Variants in CPLANE1 observed in about 807,000 individuals in gnomAD.
The protein encoded by CPLANE1 is ciliogenesis and planar polarity effector 1.
A neutral mutation model predicts 362.5 loss-of-function variants in CPLANE1; 263 were observed. That is an observed-to-expected ratio of 0.73 (90% confidence interval 0.66 to 0.80). The LOEUF is 0.80. CPLANE1 is among the 30% of genes least tolerant of loss of function. The pLI is 0.00. For missense variants in CPLANE1, 3,461 were observed against 3,793.4 expected, an observed-to-expected ratio of 0.91 and a Z score of 2.30; for synonymous variants, 1,212 against 1,302.6, an observed-to-expected ratio of 0.93 and a Z score of 1.50.
At chr5:37,197,345 A>T (rs542043422) in intron 20 of CPLANE1, among the ~76,000 whole-genome samples, 76 of 152,302 alleles carry the variant, frequency 5.0e-4, no homozygotes, top group Middle Eastern at 3.4e-3. Context: ...CTAATGACAG[A>T]CTTCTTGTCA....
chr5:37,186,655 T>G (rs1784069400), intron 23 of CPLANE1, among the ~76,000 whole-genome samples: 2 of 152,174 alleles, frequency 1.3e-5, no homozygotes, highest in Non-Finnish European at 2.9e-5. Flanking sequence ...ACGTATACAT[T>G]CTGTGCTGAT....
At position 37,177,918 on chromosome 5, in the gene CPLANE1, G is replaced by T. The variant is rs138734751; in HGVS notation, c.5821-218C>A. Reference sequence around the variant, plus strand: ...TCTGTCACACTGGGCTATTGAGCATGCTAAGTTACAAAGACAAGATTGTGT... The same window carrying T: ...TCTGTCACACTGGGCTATTGAGCATTCTAAGTTACAAAGACAAGATTGTGT... On this transcript the variant is annotated intron_variant, in intron 29 of 52. Transcript: ENST00000651892. 5.8e-3 allele frequency among the ~76,000 whole-genome samples: 876 copies of T among 152,264 alleles called. 4 individuals carry two copies. The highest frequency in any genetic ancestry group is 0.014 in the South Asian group (69 of 4,824).
At position 37,131,800 on chromosome 5, in the gene CPLANE1, G is replaced by A. The variant is rs145647475; in HGVS notation, c.8793-6391C>T. Among the ~76,000 whole-genome samples, 843 of 152,056 alleles carry A rather than the reference G, an allele frequency of 5.5e-3. 12 individuals carry two copies. The highest frequency in any genetic ancestry group is 0.019 in the African/African-American group (800 of 41,462). On this transcript the variant is annotated intron_variant, in intron 46 of 52. Coordinates refer to ENST00000651892, the MANE Select transcript of CPLANE1 (RefSeq NM_001384732.1). Reference sequence around the variant, plus strand: ...CCACCTCAGCCTCCCAAAGTGCTGGGATTATAGGCGTGAGCCACCGCGCCA... The same window carrying A: ...CCACCTCAGCCTCCCAAAGTGCTGGAATTATAGGCGTGAGCCACCGCGCCA...
intron 31 of CPLANE1, among the ~76,000 whole-genome samples, chr5:37,174,965 C>CA (rs1315530236): frequency 6.6e-6 from 1 of 152,152 alleles, no homozygotes; most frequent in Non-Finnish European, 1.5e-5. Context: ...AGCTGGGTGA[C>CA]AAGGGAGTTA....
At chr5:37,160,573 A>T (rs1170277144) in intron 38 of CPLANE1, among the ~76,000 whole-genome samples, 1 of 152,130 alleles carries the variant, frequency 6.6e-6, no homozygotes, top group African/African-American at 2.4e-5. Flanking sequence ...TCTCAAAAAA[A>T]AAAAAAATGT....
downstream of CPLANE1, among the ~76,000 whole-genome samples, chr5:37,104,010 A>C (rs1326664577): frequency 4.6e-5 from 7 of 152,204 alleles, no homozygotes; most frequent in Non-Finnish European, 1.0e-4. Context: ...CCAATCAGTC[A>C]TAGGATGTCT....
intron 38 of CPLANE1, among the ~76,000 whole-genome samples, chr5:37,160,725 G>A (rs1225555203): frequency 9.6e-5 from 14 of 146,150 alleles, no homozygotes; most frequent in Admixed American, 6.9e-4. Flanking sequence ...AGGCTGGAGT[G>A]CAGTGGCACA....
In CPLANE1 at chr5:37,244,562, C is replaced by A; in HGVS notation, c.383G>T (p.Arg128Ile). The change falls in exon 5 of 53, where the codon AGA becomes ATA. Residue 128 changes from arginine to isoleucine, a missense_variant. By Grantham distance (97) the Arg-to-Ile change is moderately conservative (BLOSUM62 -3). Around this residue, in one of 2 missense-constraint regions of CPLANE1, gnomAD observed 3,380 missense variants for 3,666.1 expected, o/e 0.92. Transcript: ENST00000651892. ...LYLYVSGNGK[R>I]IVLITPSGCI... ...TCCAGAAGGTGTTATGAGCACAATTCTTTTCCCATTTCCAGATACATACAA... is the reference window on the plus strand; with the variant it reads ...TCCAGAAGGTGTTATGAGCACAATTATTTTCCCATTTCCAGATACATACAA... 3 of 1,551,536 alleles carry A rather than the reference C, an allele frequency of 1.9e-6. No individual in the cohort carries two copies. Among genetic ancestry groups the A allele is most frequent in the Non-Finnish European group, 2.6e-6 (3 of 1,146,948 alleles).
Position 37,153,744 on chromosome 5 carries a change from T to C in CPLANE1, c.8369A>G (p.Asp2790Gly). ...PKPEMLDLHC[D>G]KIGPVDHIEF... ...CTAAAAATAAAGGTAGTCTACCTTA[T>C]CACAATGTAGATCTAGCATTTCAGG... The change falls in exon 42 of 53, where the codon GAT becomes GGT. Residue 2790 changes from aspartate to glycine, a missense_variant. Physicochemically the swap from Asp to Gly is moderately conservative, Grantham distance 94. Around this residue, in one of 2 missense-constraint regions of CPLANE1, gnomAD observed 3,380 missense variants for 3,666.1 expected, o/e 0.92. Coordinates refer to ENST00000651892, the MANE Select transcript of CPLANE1 (RefSeq NM_001384732.1). The C allele has an allele frequency of 6.2e-7, 1 of 1,608,922 alleles. No individual in the cohort carries two copies.
intron 16 of CPLANE1, chr5:37,210,505 A>G (rs983603853): frequency 2.2e-6 from 3 of 1,334,282 alleles, no homozygotes; most frequent in East Asian, 4.6e-5. Flanking sequence ...AAAGCTGTTC[A>G]TTTGCAAGAG....
At chr5:37,085,113 C>T in the CPLANE1 span, 1 of 745,296 alleles carries the variant, frequency 1.3e-6, no homozygotes, top group Non-Finnish European at 2.5e-6. Flanking sequence ...GCATTGGATG[C>T]TGGATAAATT....
rs1479371130 is a variant in CPLANE1, at chr5:37,209,462, G to A, written c.2921-3037C>T. ...AGACATTTAAGGATCGGGGTATACT[G>A]GAAACACTCAAGATACAACTTCGAA... On this transcript the variant is annotated intron_variant, in intron 16 of 52. Coordinates refer to ENST00000651892, the MANE Select transcript of CPLANE1 (RefSeq NM_001384732.1). The surrounding 1 kb of genome is among the most constrained non-coding windows in gnomAD (Gnocchi z 4.6). The A allele has an allele frequency of 1.5e-6, 2 of 1,305,376 alleles. No homozygotes were observed. Among genetic ancestry groups the A allele is most frequent in the Non-Finnish European group, 2.2e-6 (2 of 900,576 alleles). 80.9% of individuals were successfully genotyped at this position (1,305,376 alleles called of 1,614,324 possible). A position where few individuals can be genotyped will look rare whatever the true frequency, so the allele number is the denominator to read the frequency against.
intron 42 of CPLANE1, 102 bp from the exon 43 acceptor site, chr5:37,148,370 G>C: frequency 1.3e-6 from 1 of 769,432 alleles, no homozygotes; most frequent in Non-Finnish European, 2.0e-6. Context: ...TAATGCAAAA[G>C]TGAAAAAAAT....
intron 21 of CPLANE1, among the ~76,000 whole-genome samples, chr5:37,195,532 T>C (rs1424921207): frequency 3.3e-5 from 5 of 150,590 alleles, no homozygotes; most frequent in Admixed American, 2.0e-4. Context: ...GCCCAGGAGG[T>C]GTGTTGCAGT....
intron 8 of CPLANE1, among the ~76,000 whole-genome samples, chr5:37,234,194 C>T (rs1253527525): frequency 6.6e-6 from 1 of 152,000 alleles, no homozygotes; most frequent in Non-Finnish European, 1.5e-5. Context: ...GGAGATATGA[C>T]ACCACCAAAG....
chr5:37,221,562 G>A, intron 14 of CPLANE1, 74 bp from the exon 15 acceptor site: 1 of 1,001,572 alleles, frequency 1.0e-6, no homozygotes, highest in East Asian at 3.1e-5. Context: ...TCAATTGACG[G>A]GAGTGTGTAG....
chr5:37,206,250 AAC>A lies in CPLANE1; in HGVS notation c.3094_3095del (p.Val1032PhefsTer11), dbSNP rs762200857. On this transcript the variant is annotated frameshift_variant, in exon 17 of 53. Transcript: ENST00000651892. ...AYKLGDWKTSVSIGVAFQLFC... is the reference protein window; with the variant it reads ...AYKLGDWKTSXSIGVAFQLFC... The stretch of plus-strand genomic sequence containing the variant: ...ACAGCTGGAAAGCCACACCAATTGA[AAC>A]AGACGTCTTCCAGTCTCCAAGTTTA... 9 of 1,551,718 alleles carry A rather than the reference AAC, an allele frequency of 5.8e-6. No homozygotes were observed. The South Asian group carries it at 9.5e-5, about 16-fold the overall frequency.
chr5:37,121,483 A>G (rs748606873), intron 49 of CPLANE1, 134 bp downstream of exon 49: 27 of 776,636 alleles, frequency 3.5e-5, no homozygotes, highest in Non-Finnish European at 5.4e-5. Context: ...TTATGAGGCT[A>G]CTTTTTTCCT....
chr5:37,214,835 A>C (rs1793592770), intron 15 of CPLANE1, among the ~76,000 whole-genome samples: 1 of 152,222 alleles, frequency 6.6e-6, no homozygotes, highest in African/African-American at 2.4e-5. Context: ...TAAGACCTAC[A>C]GGAAGTGCCA....
Sources: gnomAD v4.1 joint callset for allele counts (sites outside exome capture counted in the v4.1 genomes callset) on GRCh38, gnomAD v4.1.1 for gene constraint, gnomAD v4.1.1 regional missense constraint, Gnocchi (gnomAD v3.1) non-coding constraint, MANE v1.5 for transcripts, NCBI Gene and HGNC (gene_info 2026-07-23, HGNC 2026-07-21) for gene names.